NRG3: variants seen among roughly 807,000 people sequenced by gnomAD.
NRG3 encodes neuregulin 3.
NRG3 carries 31 observed loss-of-function variants against 66.9 expected under a neutral mutation model. The ratio of observed to expected loss-of-function variants is 0.46; its 90% CI spans 0.35 to 0.63. The LOEUF is 0.63. NRG3 is among the 20% of genes least tolerant of loss of function. The probability of loss-of-function intolerance (pLI) is 0.00; values close to 1 mark genes in which losing one functional copy is unlikely to be tolerated. For missense variants in NRG3, 910 were observed against 878.9 expected (o/e 1.04, Z -0.45); for synonymous variants, 393 against 359.4 (o/e 1.09, Z -1.06).
chr10:82,232,494 T>C, intron 1 of NRG3: 1 of 430,942 alleles, frequency 2.3e-6, no homozygotes, highest in Non-Finnish European at 4.4e-6. Context: ...GAGATGGCTC[T>C]TCTCCTAACA....
chr10:82,499,096 G>T (rs958321499), intron 2 of NRG3, among the ~76,000 whole-genome samples: 1 of 152,148 alleles, frequency 6.6e-6, no homozygotes, highest in African/African-American at 2.4e-5. Context: ...ACACAAAGAT[G>T]CCTTGAGAAG....
rs536093437 is a variant in NRG3 at position 82,825,441 on chromosome 10, T to C, written c.1028-39970T>C. On this transcript the variant is annotated intron_variant, in intron 3 of 8. Coordinates refer to ENST00000372141, the MANE Select transcript of NRG3 (RefSeq NM_001010848.4). ...TACACTAAAATATTTATCTAAAGTT[T>C]ATTTTTCTAGAATCAGACAGATTAT... Among the ~76,000 whole-genome samples, 211 of 152,334 alleles carry C rather than the reference T, an allele frequency of 1.4e-3. 1 individual carries two copies. Among genetic ancestry groups the C allele is most frequent in the Middle Eastern group, 6.8e-3 (2 of 294 alleles).
chr10:82,300,098 G>A (rs756796582), intron 1 of NRG3, among the ~76,000 whole-genome samples: 1 of 151,998 alleles, frequency 6.6e-6, no homozygotes, highest in African/African-American at 2.4e-5. Flanking sequence ...TACAAATAAA[G>A]AAGTGTAAAC....
intron 3 of NRG3, among the ~76,000 whole-genome samples, chr10:82,838,774 T>A (rs1237941772): frequency 1.3e-5 from 2 of 152,138 alleles, no homozygotes; most frequent in Non-Finnish European, 2.9e-5. Context: ...ATACTCTGCT[T>A]TATAGCTGAA....
At chr10:82,580,113 A>G (rs2046268414) in intron 2 of NRG3, among the ~76,000 whole-genome samples, 1 of 151,980 alleles carries the variant, frequency 6.6e-6, no homozygotes, top group Non-Finnish European at 1.5e-5. Flanking sequence ...TGCTAGCTGA[A>G]TAGTTGTTAT....
At chr10:82,734,435 C>T (rs2058059862) in intron 2 of NRG3, among the ~76,000 whole-genome samples, 1 of 152,076 alleles carries the variant, frequency 6.6e-6, no homozygotes, top group Non-Finnish European at 1.5e-5. Context: ...AGAATATCAA[C>T]CTAGTTAAGG....
intron 3 of NRG3, among the ~76,000 whole-genome samples, chr10:82,780,460 C>T (rs550652631): frequency 5.4e-4 from 80 of 149,472 alleles, no homozygotes; most frequent in African/African-American, 1.8e-3. Context: ...CAGCATTGCG[C>T]CTCTTTTTTT....
chr10:82,922,796 C>T (rs942280718), intron 4 of NRG3, among the ~76,000 whole-genome samples: 2 of 152,194 alleles, frequency 1.3e-5, no homozygotes. Context: ...TCAAACTCAA[C>T]ATAGCCAAGT....
chr10:82,316,440 A>G (rs1453858079), intron 1 of NRG3, among the ~76,000 whole-genome samples: 3 of 152,186 alleles, frequency 2.0e-5, no homozygotes, highest in Non-Finnish European at 4.4e-5. Flanking sequence ...AAAGTAGAAA[A>G]TTGAAAGAAC....
intron 1 of NRG3, among the ~76,000 whole-genome samples, chr10:82,165,855 C>T (rs2072007091): frequency 6.6e-6 from 1 of 151,830 alleles, no homozygotes; most frequent in Non-Finnish European, 1.5e-5. Context: ...CCAACAGACT[C>T]AAATAAATAG....
At position 82,985,927 on chromosome 10, in the gene NRG3, A is replaced by C. The variant is rs1008162970; in HGVS notation, c.*322A>C. The C allele has an allele frequency of 4.9e-5, 10 of 202,526 alleles. No individual in the cohort carries two copies. The highest frequency in any genetic ancestry group is 9.0e-5 in the Non-Finnish European group (9 of 100,554). The allele number at this position is 202,526 out of a possible 1,614,324, so 12.5% of individuals were successfully genotyped here. A position where few individuals can be genotyped will look rare whatever the true frequency, so the allele number is the denominator to read the frequency against. The stretch of plus-strand genomic sequence containing the variant: ...CCCACAGTGCCAGTGTCTCATTAAA[A>C]AACACTGGCAGTTACCTGGTTTCAA... On this transcript the variant is annotated 3_prime_UTR_variant, in exon 9 of 9. Coordinates refer to ENST00000372141, the MANE Select transcript of NRG3 (RefSeq NM_001010848.4).
intron 4 of NRG3, among the ~76,000 whole-genome samples, chr10:82,916,085 A>C (rs184261510): frequency 6.6e-6 from 1 of 152,322 alleles, no homozygotes; most frequent in Non-Finnish European, 1.5e-5. Flanking sequence ...CATTGGATAA[A>C]AGAACACTAT....
At chr10:82,551,845 A>G (rs2044328623) in intron 2 of NRG3, among the ~76,000 whole-genome samples, 1 of 152,054 alleles carries the variant, frequency 6.6e-6, no homozygotes, top group South Asian at 2.1e-4. Flanking sequence ...TAATTCAAAT[A>G]TGCATCCATA....
chr10:82,623,867 C>T (rs780102581), intron 2 of NRG3, among the ~76,000 whole-genome samples: 1 of 152,024 alleles, frequency 6.6e-6, no homozygotes, highest in African/African-American at 2.4e-5. Context: ...ATTTTCTTAC[C>T]CCAAATTTAC....
chr10:82,287,206 G>T (rs1436022882), intron 1 of NRG3, among the ~76,000 whole-genome samples: 2 of 152,014 alleles, frequency 1.3e-5, no homozygotes, highest in African/African-American at 4.8e-5. Context: ...TCATGGCTTG[G>T]TTCTGTCCCG....
intron 3 of NRG3, among the ~76,000 whole-genome samples, chr10:82,848,353 T>C (rs2063404540): frequency 6.6e-6 from 1 of 152,220 alleles, no homozygotes; most frequent in Non-Finnish European, 1.5e-5. Context: ...ATGATTTGAC[T>C]GCCCTGCTGG....
At chr10:82,377,463 A>T (rs7075307) in intron 2 of NRG3, among the ~76,000 whole-genome samples, 1 of 151,270 alleles carries the variant, frequency 6.6e-6, no homozygotes, top group African/African-American at 2.4e-5. Context: ...TGTGTGCGCG[A>T]GCGCACATGC....
intron 1 of NRG3, among the ~76,000 whole-genome samples, chr10:82,021,523 T>C (rs868424788): frequency 2.0e-5 from 3 of 152,028 alleles, no homozygotes; most frequent in South Asian, 4.1e-4. Context: ...GATTATGGCA[T>C]TGGGTTACCA....
intron 1 of NRG3, chr10:81,889,389 A>G (rs1032046976): frequency 5.3e-5 from 8 of 152,222 alleles, no homozygotes; most frequent in Admixed American, 5.2e-4. Flanking sequence ...TCTGTATAAG[A>G]TGAGGCTCTT....
Sources: allele counts gnomAD v4.1 joint callset (sites outside exome capture counted in the v4.1 genomes callset), GRCh38; gene constraint gnomAD v4.1.1; transcripts MANE v1.5; gene names NCBI Gene and HGNC (gene_info 2026-07-23, HGNC 2026-07-21).